TBC1D5: variants seen among roughly 807,000 people sequenced by gnomAD.
TBC1D5 encodes TBC1 domain family member 5.
In TBC1D5, 75 loss-of-function variants were observed where a neutral mutation model predicts 100.3. The ratio of observed to expected loss-of-function variants is 0.75; its 90% CI spans 0.62 to 0.91. TBC1D5 has a LOEUF of 0.91. Among genes scored for constraint, TBC1D5 ranks in the 40% least tolerant of loss-of-function variants. The probability of loss-of-function intolerance (pLI) is 0.00; values close to 1 mark genes in which losing one functional copy is unlikely to be tolerated. For missense variants in TBC1D5, 910 were observed against 942.4 expected, an observed-to-expected ratio of 0.97 and a Z score of 0.45; for synonymous variants, 323 against 325.6, an observed-to-expected ratio of 0.99 and a Z score of 0.09.
chr3:17,550,154 A>G (rs1444051209), intron 2 of TBC1D5, among the ~76,000 whole-genome samples: 1 of 152,124 alleles, frequency 6.6e-6, no homozygotes, highest in East Asian at 1.9e-4. Context: ...ACGTGGATAA[A>G]TGATACATTG....
At chr3:17,422,735 C>A (rs1009819341) in intron 4 of TBC1D5, among the ~76,000 whole-genome samples, 2 of 152,008 alleles carry the variant, frequency 1.3e-5, no homozygotes, top group Admixed American at 1.3e-4. Flanking sequence ...AAGATATTTC[C>A]CGCATCCTCC....
intron 1 of TBC1D5, among the ~76,000 whole-genome samples, chr3:17,624,626 C>A (rs2062915133): frequency 6.6e-6 from 1 of 152,080 alleles, no homozygotes; most frequent in East Asian, 1.9e-4. Flanking sequence ...AAAAGGCTTT[C>A]TTTTACTTCT....
intron 1 of TBC1D5, among the ~76,000 whole-genome samples, chr3:17,667,485 T>C (rs1323755966): frequency 1.3e-5 from 2 of 152,106 alleles, no homozygotes; most frequent in Non-Finnish European, 2.9e-5. Flanking sequence ...CTTTTTTTAA[T>C]GAGACGGGAG....
At chr3:17,276,793 T>G (rs1575091481) in intron 15 of TBC1D5, among the ~76,000 whole-genome samples, 2 of 152,164 alleles carry the variant, frequency 1.3e-5, no homozygotes, top group South Asian at 4.1e-4. Flanking sequence ...CGTGATTAGG[T>G]GGAGCCACGG....
chr3:17,181,531 A>G (rs2068453690), intron 19 of TBC1D5, among the ~76,000 whole-genome samples: 1 of 152,250 alleles, frequency 6.6e-6, no homozygotes, highest in Non-Finnish European at 1.5e-5. Context: ...GGACACATTC[A>G]TAAGCAGGCT....
intron 13 of TBC1D5, among the ~76,000 whole-genome samples, chr3:17,352,249 A>G (rs756287699): frequency 6.6e-6 from 1 of 152,078 alleles, no homozygotes; most frequent in Non-Finnish European, 1.5e-5. Context: ...TTATTCTGAC[A>G]GTTTCTAAGC....
At chr3:17,280,123 A>G (rs780661629) in intron 15 of TBC1D5, among the ~76,000 whole-genome samples, 1 of 152,208 alleles carries the variant, frequency 6.6e-6, no homozygotes, top group Non-Finnish European at 1.5e-5. Context: ...AGTTGATATA[A>G]TGTCACGGAA....
intron 16 of TBC1D5, among the ~76,000 whole-genome samples, chr3:17,256,127 T>G (rs2077645227): frequency 6.6e-6 from 1 of 152,118 alleles, no homozygotes; most frequent in South Asian, 2.1e-4. Flanking sequence ...GGCACTTGCA[T>G]TTTTATTTTT....
At chr3:17,532,976 TA>T (rs1181335366) in intron 2 of TBC1D5, among the ~76,000 whole-genome samples, 1 of 149,898 alleles carries the variant, frequency 6.7e-6, no homozygotes, top group East Asian at 2.0e-4. Flanking sequence ...CCCTAAAACT[TA>T]AAGTATAATA....
chr3:17,276,523 C>A (rs1025788199), intron 15 of TBC1D5, among the ~76,000 whole-genome samples: 3 of 152,198 alleles, frequency 2.0e-5, no homozygotes, highest in Non-Finnish European at 4.4e-5. Context: ...GCCTTGCAAG[C>A]TCAGTTTGGA....
intron 2 of TBC1D5, among the ~76,000 whole-genome samples, chr3:17,558,413 A>G (rs909300799): frequency 1.3e-5 from 2 of 152,216 alleles, no homozygotes; most frequent in African/African-American, 4.8e-5. Context: ...AACATAGTCA[A>G]TATAAAATGG....
chr3:17,550,125 A>G (rs2096459727), intron 2 of TBC1D5, among the ~76,000 whole-genome samples: 1 of 152,114 alleles, frequency 6.6e-6, no homozygotes, highest in South Asian at 2.1e-4. Flanking sequence ...GAGTATCAAA[A>G]TTGACTAATA....
chr3:17,699,067 C>T (rs1172085700), intron 1 of TBC1D5, among the ~76,000 whole-genome samples: 1 of 151,610 alleles, frequency 6.6e-6, no homozygotes, highest in African/African-American at 2.4e-5. Context: ...GACTATAAAT[C>T]ATGCTGCTAT....
chr3:17,349,586 G>C (rs2090314147), intron 13 of TBC1D5, among the ~76,000 whole-genome samples: 1 of 152,164 alleles, frequency 6.6e-6, no homozygotes, highest in Non-Finnish European at 1.5e-5. Flanking sequence ...CTGTTTGACT[G>C]ATGTATAGCA....
At chr3:17,483,234 C>T (rs2095521165) in intron 3 of TBC1D5, among the ~76,000 whole-genome samples, 1 of 152,068 alleles carries the variant, frequency 6.6e-6, no homozygotes, top group Non-Finnish European at 1.5e-5. Flanking sequence ...CATATAAGAA[C>T]TGCAAGTTGT....
At chr3:17,271,506 G>C (rs1447697423) in intron 15 of TBC1D5, among the ~76,000 whole-genome samples, 1 of 152,106 alleles carries the variant, frequency 6.6e-6, no homozygotes, top group Non-Finnish European at 1.5e-5. Context: ...ACTTTTGGTG[G>C]AGTCTTTAAG....
intron 15 of TBC1D5, among the ~76,000 whole-genome samples, chr3:17,261,170 T>A (rs1019035429): frequency 2.2e-4 from 34 of 152,346 alleles, no homozygotes; most frequent in African/African-American, 7.9e-4. Flanking sequence ...TACCTATAAT[T>A]CTTCTCTTTC....
At chr3:17,206,917 G>C (rs1366614832) in intron 18 of TBC1D5, among the ~76,000 whole-genome samples, 2 of 152,126 alleles carry the variant, frequency 1.3e-5, no homozygotes, top group Non-Finnish European at 1.5e-5. Flanking sequence ...ACATAGACAA[G>C]TCAGTTTTTG....
intron 3 of TBC1D5, among the ~76,000 whole-genome samples, chr3:17,466,255 C>T (rs938996249): frequency 3.9e-5 from 6 of 152,114 alleles, no homozygotes; most frequent in South Asian, 2.1e-4. Flanking sequence ...TTGACATAAC[C>T]GTTTTACTAG....
Sources: allele counts gnomAD v4.1 joint callset (sites outside exome capture counted in the v4.1 genomes callset), GRCh38; gene constraint gnomAD v4.1.1; transcripts MANE v1.5; gene names NCBI Gene and HGNC (gene_info 2026-07-23, HGNC 2026-07-21).